The following SLC6A3 variants were observed in gnomAD, a reference collection of about 807,000 sequenced individuals.
SLC6A3 encodes the protein solute carrier family 6 member 3.
In SLC6A3, 19 loss-of-function variants were observed where a neutral mutation model predicts 70.4. That is an observed-to-expected ratio of 0.27 (90% CI 0.19 to 0.40). The LOEUF is 0.40. SLC6A3 is among the 10% of genes least tolerant of loss of function. The pLI is 1.00. For synonymous variants in SLC6A3, 368 were observed against 356.6 expected (o/e 1.03, Z -0.36); for missense variants, 613 against 838.5 (o/e 0.73, Z 3.32).
Position 1,407,792 on chromosome 5 carries a change from G to A in SLC6A3, c.1498+1234C>T, listed in dbSNP as rs952370509. Among the ~76,000 whole-genome samples, 11 of 152,156 alleles carry A rather than the reference G, an allele frequency of 7.2e-5. 1 individual carries two copies. The highest frequency in any genetic ancestry group is 4.1e-4 in the South Asian group (2 of 4,822). On this transcript the variant is annotated intron_variant, in intron 11 of 14. Coordinates refer to ENST00000270349, the MANE Select transcript of SLC6A3 (RefSeq NM_001044.5). ...GTGAAAGTACGAGGTTGATATTTCCGTTTTCTGTAGAGCAACACTGAAAAC... is the reference window on the plus strand; with the variant it reads ...GTGAAAGTACGAGGTTGATATTTCCATTTTCTGTAGAGCAACACTGAAAAC...
At position 1,408,024 on chromosome 5, in the gene SLC6A3, G is replaced by A. The variant is rs902781916; in HGVS notation, c.1498+1002C>T. On this transcript the variant is annotated intron_variant, in intron 11 of 14. Transcript: ENST00000270349. This position sits in a 1 kb window ranked among gnomAD's most constrained non-coding sequence, Gnocchi z 6.4. ...CATTTTTTTTTTTCTTTTTTGAGAC[G>A]GAGTCTCACTCTGTTGCCCAGGCTG... is the stretch of plus-strand genomic sequence containing the variant. 9.9e-5 allele frequency among the ~76,000 whole-genome samples: 15 copies of A among 151,638 alleles called. No homozygotes were observed. The highest frequency in any genetic ancestry group is 3.6e-4 in the African/African-American group (15 of 41,244).
chr5:1,424,067 C>T (rs753348335), intron 4 of SLC6A3, among the ~76,000 whole-genome samples: 23 of 152,244 alleles, frequency 1.5e-4, no homozygotes, highest in Non-Finnish European at 2.6e-4. Flanking sequence ...GCCCCACGAG[C>T]CCTGAAAGCG....
intron 3 of SLC6A3, 85 bp downstream of exon 3, chr5:1,441,274 G>A: frequency 6.4e-7 from 1 of 1,552,676 alleles, no homozygotes; most frequent in Non-Finnish European, 8.9e-7. Context: ...GGATGCCCAT[G>A]ATGCGGCTGG....
In SLC6A3 at chr5:1,394,756, G is replaced by A; in HGVS notation, c.1842C>T (p.Leu614=). ...VDRGEVRQFT[L]RHWLKV ...CCCTCTACACCTTGAGCCAGTGGCG[G>A]AGCTGGAAAGAAAACAGGTTTAGTC... is the stretch of plus-strand genomic sequence containing the variant. The change falls in exon 15 of 15, where the codon CTC becomes CTT. Residue 614 remains leucine (L), a splice_region_variant and synonymous_variant. Transcript: ENST00000270349. The surrounding 1 kb of genome is among the most constrained non-coding windows in gnomAD (Gnocchi z 4.7). 6.2e-7 allele frequency: 1 copy of A among 1,614,162 alleles called. No homozygotes were observed. Among genetic ancestry groups the A allele is most frequent in the Non-Finnish European group, 8.5e-7 (1 of 1,180,028 alleles).
chr5:1,424,501 G>A (rs775142940), intron 4 of SLC6A3, among the ~76,000 whole-genome samples: 2 of 152,112 alleles, frequency 1.3e-5, no homozygotes, highest in East Asian at 3.8e-4. Flanking sequence ...CATGCCACCC[G>A]CCCACGCCTT....
chr5:1,397,513 A>G lies in SLC6A3; in HGVS notation c.1840-2755T>C, dbSNP rs1755749511. The stretch of plus-strand genomic sequence containing the variant: ...GCAGTGAACCCGAGACACCGAAAGC[A>G]GAAGAAACTCGGCCGAGTGCAGGGG... On this transcript the variant is annotated intron_variant, in intron 14 of 14. Transcript: ENST00000270349. The surrounding 1 kb of genome is among the most constrained non-coding windows in gnomAD (Gnocchi z 4.7). Among the ~76,000 whole-genome samples, 1 of 152,208 alleles carries G rather than the reference A, an allele frequency of 6.6e-6. No homozygotes were observed. Among genetic ancestry groups the G allele is most frequent in the African/African-American group, 2.4e-5 (1 of 41,452 alleles).
chr5:1,431,058 G>A (rs976233214), intron 4 of SLC6A3, among the ~76,000 whole-genome samples: 5 of 150,998 alleles, frequency 3.3e-5, no homozygotes, highest in Admixed American at 6.6e-5. Context: ...GGGGAGAATC[G>A]CGCAAACGTC....
chr5:1,395,913 A>G (rs1305053062), intron 14 of SLC6A3, among the ~76,000 whole-genome samples: 1 of 152,228 alleles, frequency 6.6e-6, no homozygotes, highest in Non-Finnish European at 1.5e-5. Flanking sequence ...ATCAAGCCAT[A>G]AATGTAAAAT....
At chr5:1,426,570 A>C (rs980495546) in intron 4 of SLC6A3, among the ~76,000 whole-genome samples, 3 of 152,218 alleles carry the variant, frequency 2.0e-5, no homozygotes, top group African/African-American at 7.2e-5. Context: ...ATGGATAAAC[A>C]AAACATGATA....
At position 1,401,393 on chromosome 5, in the gene SLC6A3, C is replaced by T. The variant is rs566307012; in HGVS notation, c.1768-407G>A. The T allele has an allele frequency of 1.9e-4, 81 of 417,068 alleles. 2 individuals carry two copies. The highest frequency in any genetic ancestry group is 1.1e-3 in the South Asian group (61 of 54,432). 25.8% of individuals were successfully genotyped at this position (417,068 alleles called of 1,614,324 possible). On this transcript the variant is annotated intron_variant, in intron 13 of 14. Coordinates refer to ENST00000270349, the MANE Select transcript of SLC6A3 (RefSeq NM_001044.5). This position sits in a 1 kb window ranked among gnomAD's most constrained non-coding sequence, Gnocchi z 6.1. Reference sequence around the variant, plus strand: ...GGGGCCACCTGCAGCTGACATATTCCGGGAGCACTTGCTTTTTGTCACCTG... The same window carrying T: ...GGGGCCACCTGCAGCTGACATATTCTGGGAGCACTTGCTTTTTGTCACCTG...
At chr5:1,440,524 A>C (rs1251426444) in intron 3 of SLC6A3, among the ~76,000 whole-genome samples, 1 of 152,174 alleles carries the variant, frequency 6.6e-6, no homozygotes, top group Non-Finnish European at 1.5e-5. Context: ...GAATTGTGGG[A>C]TGTGTCCCTC....
chr5:1,425,867 A>T (rs755234257), intron 4 of SLC6A3, among the ~76,000 whole-genome samples: 20 of 152,348 alleles, frequency 1.3e-4, no homozygotes, highest in Non-Finnish European at 2.9e-4. Flanking sequence ...TTGAATAGAC[A>T]TTGCTCCAAA....
intron 12 of SLC6A3, 43 bp from the exon 13 acceptor site, chr5:1,403,132 G>T (rs370476826): frequency 1.9e-6 from 3 of 1,603,398 alleles, no homozygotes; most frequent in African/African-American, 2.7e-5. Context: ...CTCAGCCGGC[G>T]GTGCCAGGAC....
At position 1,402,360 on chromosome 5, in the gene SLC6A3, C is replaced by T. The variant is rs1049855495; in HGVS notation, c.1767+562G>A. Among the ~76,000 whole-genome samples, 3 of 151,592 alleles carry T rather than the reference C, an allele frequency of 2.0e-5. No homozygotes were observed. The highest frequency in any genetic ancestry group is 2.0e-4 in the Admixed American group (3 of 15,218). On this transcript the variant is annotated intron_variant, in intron 13 of 14. Coordinates refer to ENST00000270349, the MANE Select transcript of SLC6A3 (RefSeq NM_001044.5). The surrounding 1 kb of genome is among the most constrained non-coding windows in gnomAD (Gnocchi z 8.5). ...AAAACCAAGCAGAAGAAAGGAGATG[C>T]ATATCAGTGACTCCGCAAAGCTTCC...
chr5:1,407,835 A>G (rs1006080244), intron 11 of SLC6A3, among the ~76,000 whole-genome samples: 5 of 152,162 alleles, frequency 3.3e-5, no homozygotes, highest in Admixed American at 2.6e-4. Flanking sequence ...TCAGAATAGG[A>G]GCTATTTGTC....
In SLC6A3 at chr5:1,401,317, C is replaced by G. The variant is rs28363143; in HGVS notation, c.1768-331G>C. 1.2e-4 allele frequency: 64 copies of G among 548,004 alleles called. No homozygotes were observed. The highest frequency in any genetic ancestry group is 1.0e-3 in the African/African-American group (56 of 53,670). The allele number at this position is 548,004 out of a possible 1,614,324, so 33.9% of individuals were successfully genotyped here. On this transcript the variant is annotated intron_variant, in intron 13 of 14. Transcript: ENST00000270349. The surrounding 1 kb of genome is among the most constrained non-coding windows in gnomAD (Gnocchi z 6.1). Reference sequence around the variant, plus strand: ...GATGGCTCTTGAGTCTAAGCTACCACGTGTGCTGGGCTCTGAGTAAGAAAG... The same window carrying G: ...GATGGCTCTTGAGTCTAAGCTACCAGGTGTGCTGGGCTCTGAGTAAGAAAG...
Position 1,432,715 on chromosome 5 carries a change from G to A in SLC6A3, c.419-17C>T, listed in dbSNP as rs1756734357. 2 of 1,592,886 alleles carry A rather than the reference G, an allele frequency of 1.3e-6. No individual in the cohort carries two copies. Among genetic ancestry groups the A allele is most frequent in the Non-Finnish European group, 1.7e-6 (2 of 1,161,356 alleles). ...AGCCCACACCTAGCGGGAAGGGGGA[G>A]GCCATGGAGCCCACGCAGGTGGAGC... On this transcript the variant is annotated splice_polypyrimidine_tract_variant and intron_variant, in intron 3 of 14. Coordinates refer to ENST00000270349, the MANE Select transcript of SLC6A3 (RefSeq NM_001044.5).
At chr5:1,415,605 C>T (rs1219847638) in intron 7 of SLC6A3, among the ~76,000 whole-genome samples, 3 of 152,232 alleles carry the variant, frequency 2.0e-5, no homozygotes, top group South Asian at 2.1e-4. Context: ...AAGCAGATCC[C>T]GGATAAAATT....
At chr5:1,410,357 T>C (rs2617577) in intron 9 of SLC6A3, among the ~76,000 whole-genome samples, 48,621 of 151,990 alleles carry the variant, frequency 0.32, 8,962 homozygotes, top group African/African-American at 0.51. Context: ...TCCAGACCCC[T>C]CTTCATGCTC....
Sources: gnomAD v4.1 joint callset for allele counts (sites outside exome capture counted in the v4.1 genomes callset) on GRCh38, gnomAD v4.1.1 for gene constraint, Gnocchi (gnomAD v3.1) non-coding constraint, MANE v1.5 for transcripts, NCBI Gene and HGNC (gene_info 2026-07-23, HGNC 2026-07-21) for gene names.